COLGALT2: variants seen among roughly 807,000 people sequenced by gnomAD.
COLGALT2 encodes collagen beta(1-O)galactosyltransferase 2, also known as procollagen galactosyltransferase 2.
In COLGALT2, 49 loss-of-function variants were observed where a neutral mutation model predicts 73.4. The ratio of observed to expected loss-of-function variants is 0.67; its 90% CI spans 0.53 to 0.85. The LOEUF (loss-of-function observed/expected upper bound fraction) is 0.85, where lower values mean the gene tolerates loss of function less well. Ranked by LOEUF, COLGALT2 falls within the 40% of genes least tolerant of loss-of-function variation. The pLI is 0.00. For synonymous variants in COLGALT2, 295 were observed against 307.6 expected (o/e 0.96, Z 0.43); for missense variants, 722 against 790.2 (o/e 0.91, Z 1.03).
intron 1 of COLGALT2, among the ~76,000 whole-genome samples, chr1:184,028,831 G>A (rs993076192): frequency 5.9e-5 from 9 of 152,172 alleles, no homozygotes; most frequent in Non-Finnish European, 8.8e-5. Flanking sequence ...AAACACTGGA[G>A]GGAAGGAGAT....
intron 5 of COLGALT2, 47 bp downstream of exon 5, chr1:183,969,222 T>A: frequency 2.7e-6 from 4 of 1,483,594 alleles, no homozygotes; most frequent in Non-Finnish European, 3.7e-6. Context: ...GAGCTGGTCA[T>A]TTTGCTGTGT....
chr1:183,945,629 AAG>A, intron 8 of COLGALT2, 65 bp from the exon 9 acceptor site: 2 of 1,588,788 alleles, frequency 1.3e-6, no homozygotes, highest in South Asian at 1.1e-5. Context: ...AGGCCAGAGA[AAG>A]AGAGAGTTAG....
intron 1 of COLGALT2, among the ~76,000 whole-genome samples, chr1:184,030,556 C>T (rs1649481291): frequency 6.6e-6 from 1 of 152,080 alleles, no homozygotes; most frequent in East Asian, 1.9e-4. Context: ...GCAATATGAC[C>T]CAAGTGCACG....
chr1:184,005,143 G>A (rs1485119015), intron 1 of COLGALT2, among the ~76,000 whole-genome samples: 5 of 152,070 alleles, frequency 3.3e-5, no homozygotes, highest in Admixed American at 1.3e-4. Context: ...CCCAGAGCAC[G>A]CTACTGAGCC....
rs755595078 is a variant in COLGALT2 at position 183,969,323 on chromosome 1, A to G, written c.778T>C (p.Tyr260His). The G allele has an allele frequency of 6.2e-7, 1 of 1,613,946 alleles. No homozygotes were observed. The highest frequency in any genetic ancestry group is 1.1e-5 in the South Asian group (1 of 91,044). ...ATGATGTCATCAAAGGTCCAGGTGT[A>G]GTCCTGGTGTGGGGGGTAGAAAGTC... ...KLTFYPPHQD[Y>H]TWTFDDIIVF... The change falls in exon 5 of 12, where the codon TAC (tyrosine) becomes CAC (histidine). Residue 260 changes from tyrosine (Y) to histidine (H), a missense_variant. By Grantham distance (83) the Tyr-to-His change is moderately conservative (BLOSUM62 2). Coordinates refer to ENST00000361927, the MANE Select transcript of COLGALT2 (RefSeq NM_015101.4).
chr1:184,005,454 G>C lies in COLGALT2; in HGVS notation c.264-26934C>G, dbSNP rs1164419545. On this transcript the variant is annotated intron_variant, in intron 1 of 11. Transcript: ENST00000361927. Reference sequence around the variant, plus strand: ...GATATTTCTGGTTAGTGGAGCAAAGGCTTCAGTGTGTCACAGAATGTGGTC... The same window carrying C: ...GATATTTCTGGTTAGTGGAGCAAAGCCTTCAGTGTGTCACAGAATGTGGTC... Among the ~76,000 whole-genome samples, 7 of 152,266 alleles carry C rather than the reference G, an allele frequency of 4.6e-5. 1 individual carries two copies. The South Asian group carries it at 1.5e-3, about 32-fold the overall frequency.
At chr1:183,950,559 G>A (rs900384440) in intron 8 of COLGALT2, among the ~76,000 whole-genome samples, 12 of 151,628 alleles carry the variant, frequency 7.9e-5, no homozygotes, top group Admixed American at 3.3e-4. Context: ...CACTATGATC[G>A]GTCCAGGCAG....
intron 1 of COLGALT2, among the ~76,000 whole-genome samples, chr1:184,032,161 T>G (rs1649534523): frequency 6.6e-6 from 1 of 152,176 alleles, no homozygotes; most frequent in Non-Finnish European, 1.5e-5. Flanking sequence ...CCCAAAGTGC[T>G]AGGATTACAG....
intron 3 of COLGALT2, 54 bp downstream of exon 3, chr1:183,975,043 G>T: frequency 7.6e-7 from 1 of 1,313,902 alleles, no homozygotes; most frequent in South Asian, 1.2e-5. Flanking sequence ...TTGGACGACT[G>T]ATTTGGATAC....
chr1:184,001,023 C>T (rs1338402358), intron 1 of COLGALT2, among the ~76,000 whole-genome samples: 2 of 151,796 alleles, frequency 1.3e-5, no homozygotes, highest in African/African-American at 2.4e-5. Flanking sequence ...TTAGTAGAGA[C>T]GGGGTTTCAC....
In COLGALT2 at chr1:183,978,438, C is replaced by T; in HGVS notation, c.346G>A (p.Val116Met). Residue 116 changes from valine (V) to methionine (M), a missense_variant, in exon 2 of 12, where the codon GTG becomes ATG. Physicochemically the swap from Val to Met is conservative, Grantham distance 21. Transcript: ENST00000361927. ...LKNVQRLYHYVEWRPMDEPES... is the reference protein window; with the variant it reads ...LKNVQRLYHYMEWRPMDEPES... Reference sequence around the variant, plus strand: ...GGTTCATCCATAGGCCTCCACTCCACATAGTGATAGAGTCTCTGTACATTT... The same window carrying T: ...GGTTCATCCATAGGCCTCCACTCCATATAGTGATAGAGTCTCTGTACATTT... 1 of 1,610,306 alleles carries T rather than the reference C, an allele frequency of 6.2e-7. No individual in the cohort carries two copies. The highest frequency in any genetic ancestry group is 8.5e-7 in the Non-Finnish European group (1 of 1,176,834).
intron 6 of COLGALT2, among the ~76,000 whole-genome samples, chr1:183,955,190 C>T (rs1670519831): frequency 1.3e-5 from 2 of 152,042 alleles, no homozygotes; most frequent in South Asian, 4.2e-4. Flanking sequence ...AGTTAGGGGA[C>T]CTCTTTAAGC....
intron 1 of COLGALT2, among the ~76,000 whole-genome samples, chr1:183,985,812 G>A (rs570967625): frequency 6.6e-6 from 1 of 152,130 alleles, no homozygotes; most frequent in Non-Finnish European, 1.5e-5. Context: ...AACAAACTTA[G>A]TCACCACCTG....
Position 183,952,353 on chromosome 1 carries a change from G to C in COLGALT2, c.1030-1240C>G, listed in dbSNP as rs59121968. Among the ~76,000 whole-genome samples the C allele has an allele frequency of 4.7e-3, 717 of 152,244 alleles. 2 individuals are homozygous for C. Among genetic ancestry groups the C allele is most frequent in the African/African-American group, 0.017 (694 of 41,530 alleles). On this transcript the variant is annotated intron_variant, in intron 7 of 11. Coordinates refer to ENST00000361927, the MANE Select transcript of COLGALT2 (RefSeq NM_015101.4). ...CTAACCATCTGGATGACTTTGAGGA[G>C]ACATTAATGTTTATGGGTCCAGTTC...
chr1:183,985,754 T>A (rs186458858), intron 1 of COLGALT2, among the ~76,000 whole-genome samples: 8 of 152,284 alleles, frequency 5.3e-5, no homozygotes, highest in Non-Finnish European at 1.0e-4. Context: ...CCTGAGAACC[T>A]GCAAAATACA....
At chr1:183,940,911 T>C in intron 10 of COLGALT2, 124 bp from the exon 11 acceptor site, 2 of 839,508 alleles carry the variant, frequency 2.4e-6, no homozygotes, top group East Asian at 5.1e-5. Flanking sequence ...TGTCATTAAA[T>C]GATGTATCAC....
rs36161033 is a variant in COLGALT2 at position 183,938,209 on chromosome 1, TAA to T, written c.*550_*551del. On this transcript the variant is annotated 3_prime_UTR_variant, in exon 12 of 12. Coordinates refer to ENST00000361927, the MANE Select transcript of COLGALT2 (RefSeq NM_015101.4). ...AACAGGGACTAAGATTTTTTTTTTT[TAA>T]AAAATCTACTTTTCAATAAGACTTG... The T allele has an allele frequency of 3.7e-5, 34 of 911,800 alleles. No homozygotes were observed. In the African/African-American group the frequency reaches 4.7e-4, roughly 13 times the overall value. The allele number at this position is 911,800 out of a possible 1,614,324, so 56.5% of individuals were successfully genotyped here.
chr1:183,989,164 A>G (rs1417437746), intron 1 of COLGALT2, among the ~76,000 whole-genome samples: 2 of 152,152 alleles, frequency 1.3e-5, no homozygotes, highest in African/African-American at 2.4e-5. Flanking sequence ...ACTCTGCTTC[A>G]TGAGTATCTT....
intron 1 of COLGALT2, among the ~76,000 whole-genome samples, chr1:184,018,261 C>T (rs1649068911): frequency 9.7e-6 from 1 of 102,878 alleles, no homozygotes; most frequent in African/African-American, 5.0e-5. Context: ...CACAGTGAGG[C>T]CCTGTTTCAA....
Sources: gnomAD v4.1 joint callset for allele counts (sites outside exome capture counted in the v4.1 genomes callset) on GRCh38, gnomAD v4.1.1 for gene constraint, MANE v1.5 for transcripts, NCBI Gene and HGNC (gene_info 2026-07-23, HGNC 2026-07-21) for gene names.